SOWAHB: variants seen among roughly 807,000 people sequenced by gnomAD.
The protein encoded by SOWAHB is sosondowah ankyrin repeat domain family member B.
In SOWAHB, 17 loss-of-function variants were observed where a neutral mutation model predicts 18.3. The observed-to-expected ratio is 0.93, with a 90% confidence interval of 0.64 to 1.40. The LOEUF (loss-of-function observed/expected upper bound fraction) is 1.40, where lower values mean the gene tolerates loss of function less well. Among genes scored for constraint, SOWAHB ranks in the 40% most tolerant of loss-of-function variants. The pLI is 0.00. For missense variants in SOWAHB, 1,126 were observed against 1,033.7 expected (o/e 1.09, Z -1.22); for synonymous variants, 496 against 448.1 (o/e 1.11, Z -1.35).
In SOWAHB at chr4:76,896,644, A is replaced by G. The variant is rs764243643; in HGVS notation, c.1206T>C (p.Ser402=). The change falls in exon 1 of 1, where the codon AGT becomes AGC. Residue 402 remains serine (S), a synonymous_variant. Coordinates refer to ENST00000334306, the MANE Select transcript of SOWAHB (RefSeq NM_001029870.3). Reference sequence around the variant, plus strand: ...CACTGCTGCTCTCCTCACTGCCATCACTCTCCTGGTCCACAAAGTCATCCA... The same window carrying G: ...CACTGCTGCTCTCCTCACTGCCATCGCTCTCCTGGTCCACAAAGTCATCCA... ...QDLDDFVDQE[S]DGSEESSSGP... The G allele has an allele frequency of 6.2e-7, 1 of 1,613,540 alleles. No homozygotes were observed. Among genetic ancestry groups the G allele is most frequent in the South Asian group, 1.1e-5 (1 of 91,048 alleles).
At position 76,896,644 on chromosome 4, in the gene SOWAHB, ACT is replaced by A; in HGVS notation, c.1204_1205del (p.Ser402Ter). ...QDLDDFVDQE[S>X]DGSEESSSGP... is the part of the protein sequence containing the mutation. ...CACTGCTGCTCTCCTCACTGCCATC[ACT>A]CTCCTGGTCCACAAAGTCATCCAGA... On this transcript the variant is annotated frameshift_variant, in exon 1 of 1. Transcript: ENST00000334306. LOFTEE classifies it low-confidence loss of function (END_TRUNC). 6.2e-7 allele frequency: 1 copy of A among 1,613,540 alleles called. No homozygotes were observed. Among genetic ancestry groups the A allele is most frequent in the East Asian group, 2.2e-5 (1 of 44,836 alleles).
rs746175941 is a variant in SOWAHB, at chr4:76,897,692, C to T, written c.158G>A (p.Gly53Asp). The change falls in exon 1 of 1, where the codon GGC (glycine) becomes GAC (aspartate). Residue 53 changes from glycine (G) to aspartate (D), a missense_variant. By Grantham distance (94) the Gly-to-Asp change is moderately conservative. Coordinates refer to ENST00000334306, the MANE Select transcript of SOWAHB (RefSeq NM_001029870.3). This position sits in a 1 kb window ranked among gnomAD's most constrained non-coding sequence, Gnocchi z 6.4. Reference sequence around the variant, plus strand: ...CACTGCGGCGACCGAGTTGACGAAGCCCTTGAAGAGCTCGCGGCGGTGCTG... The same window carrying T: ...CACTGCGGCGACCGAGTTGACGAAGTCCTTGAAGAGCTCGCGGCGGTGCTG... The part of the protein sequence containing the change: ...QHQHRRELFK[G>D]FVNSVAAVRQ... The T allele has an allele frequency of 1.2e-6, 2 of 1,611,804 alleles. No homozygotes were observed. The highest frequency in any genetic ancestry group is 1.3e-5 in the African/African-American group (1 of 74,914).
Position 76,895,809 on chromosome 4 carries a change from C to G in SOWAHB, c.2041G>C (p.Gly681Arg), listed in dbSNP as rs765770327. 2 of 1,614,092 alleles carry G rather than the reference C, an allele frequency of 1.2e-6. No individual in the cohort carries two copies. The highest frequency in any genetic ancestry group is 2.7e-5 in the African/African-American group (2 of 74,934). The part of the protein sequence containing the change: ...YTPLHLAAIH[G>R]HQGVIKLLVQ... ...AGCAATTTGATGACCCCCTGGTGGCCGTGAATGGCTGCAAGGTGCAGCGGG... is the reference window on the plus strand; with the variant it reads ...AGCAATTTGATGACCCCCTGGTGGCGGTGAATGGCTGCAAGGTGCAGCGGG... The change falls in exon 1 of 1, where the codon GGC (glycine) becomes CGC (arginine). Residue 681 changes from glycine (G) to arginine (R), a missense_variant. Transcript: ENST00000334306.
Position 76,895,523 on chromosome 4 carries a change from G to A in SOWAHB, c.2327C>T (p.Ala776Val). ...ACTGTGGAATTTCTCATACTGGTTG[G>A]CCAGTTTCCACTTGTTGTGCTGACT... is the stretch of plus-strand genomic sequence containing the variant. ...LKSQHNKWKL[A>V]NQYEKFHSPR... Residue 776 changes from alanine (A) to valine (V), a missense_variant, in exon 1 of 1, where the codon GCC becomes GTC. Coordinates refer to ENST00000334306, the MANE Select transcript of SOWAHB (RefSeq NM_001029870.3). The A allele has an allele frequency of 6.2e-7, 1 of 1,613,948 alleles. No homozygotes were observed. Among genetic ancestry groups the A allele is most frequent in the Non-Finnish European group, 8.5e-7 (1 of 1,179,914 alleles).
In SOWAHB at chr4:76,898,038, G is replaced by A. The variant is rs576200688; in HGVS notation, c.-189C>T. ...CAGGAGGGCCGTGGGTCCCCTCCGG[G>A]TGGCCCCAAGGCTGAGTCCCCGCGG... On this transcript the variant is annotated 5_prime_UTR_variant, in exon 1 of 1. Coordinates refer to ENST00000334306, the MANE Select transcript of SOWAHB (RefSeq NM_001029870.3). 236 of 612,536 alleles carry A rather than the reference G, an allele frequency of 3.9e-4. No individual in the cohort carries two copies. In the African/African-American group the frequency reaches 4.2e-3, roughly 11 times the overall value. The allele number at this position is 612,536 out of a possible 1,614,324, so 37.9% of individuals were successfully genotyped here.
rs891002497 is a variant in SOWAHB, at chr4:76,896,845, G to C, written c.1005C>G (p.Phe335Leu). 1.2e-6 allele frequency: 2 copies of C among 1,613,744 alleles called. No individual in the cohort carries two copies. Among genetic ancestry groups the C allele is most frequent in the Non-Finnish European group, 1.7e-6 (2 of 1,180,030 alleles). Residue 335 changes from phenylalanine (F) to leucine (L), a missense_variant, in exon 1 of 1, where the codon TTC (phenylalanine) becomes TTG (leucine). Transcript: ENST00000334306. ...AGCCGGGTTCCAAGGGCAGCTGGAGGAAGTTGTCTGGCAGCACCGACCAGG... is the reference window on the plus strand; with the variant it reads ...AGCCGGGTTCCAAGGGCAGCTGGAGCAAGTTGTCTGGCAGCACCGACCAGG... ...IRAWSVLPDN[F>L]LQLPLEPGST...
rs373064009 is a variant in SOWAHB at position 76,896,430 on chromosome 4, C to T, written c.1420G>A (p.Ala474Thr). 1.4e-5 allele frequency: 22 copies of T among 1,610,086 alleles called. No individual in the cohort carries two copies. The highest frequency in any genetic ancestry group is 1.8e-5 in the Non-Finnish European group (21 of 1,178,424). The change falls in exon 1 of 1, where the codon GCT (alanine) becomes ACT (threonine). Residue 474 changes from alanine to threonine, a missense_variant. Ala to Thr is a moderately conservative substitution (Grantham distance 58). Coordinates refer to ENST00000334306, the MANE Select transcript of SOWAHB (RefSeq NM_001029870.3). ...GHISQQVPAG[A>T]NGLAGHPLKP... is the part of the protein sequence containing the mutation. ...AGGGGGTGGCCTGCAAGGCCATTAG[C>T]CCCTGCAGGGACCTGCTGAGAGATG... is the stretch of plus-strand genomic sequence containing the variant.
At position 76,895,857 on chromosome 4, in the gene SOWAHB, C is replaced by A; in HGVS notation, c.1993G>T (p.Val665Leu). 1.2e-6 allele frequency: 2 copies of A among 1,614,246 alleles called. No homozygotes were observed. The highest frequency in any genetic ancestry group is 1.7e-6 in the Non-Finnish European group (2 of 1,180,042). The change falls in exon 1 of 1, where the codon GTG (valine) becomes TTG (leucine). Residue 665 changes from valine (V) to leucine (L), a missense_variant. Physicochemically the swap from Val to Leu is conservative, Grantham distance 32. Transcript: ENST00000334306. ...GGGGTATATCCACAACTGGACCTCA[C>A]GTTTACATCAAGGACAATCCCTGCC... ...KKAGIVLDVN[V>L]RSSCGYTPLH...
In SOWAHB at chr4:76,896,133, C is replaced by A. The variant is rs564314965; in HGVS notation, c.1717G>T (p.Glu573Ter). 1 of 1,568,636 alleles carries A rather than the reference C, an allele frequency of 6.4e-7. No individual in the cohort carries two copies. Among genetic ancestry groups the A allele is most frequent in the Non-Finnish European group, 8.6e-7 (1 of 1,158,202 alleles). Residue 573 changes from glutamate (E) to a stop codon, truncating the protein, a stop_gained, in exon 1 of 1, where the codon GAG becomes TAG. Transcript: ENST00000334306. LOFTEE classifies it high-confidence loss of function. ...WRHSLWVPSG[E>*]GSAALAPHRT... is the part of the protein sequence containing the mutation. ...TGGGGGGCCAAGGCTGCAGACCCCT[C>A]CCCACTGGGGACCCACAGGCTGTGT...
Position 76,896,399 on chromosome 4 carries a change from G to T in SOWAHB, c.1451C>A (p.Pro484His). Residue 484 changes from proline (P) to histidine (H), a missense_variant, in exon 1 of 1, where the codon CCT becomes CAT. Transcript: ENST00000334306. Reference sequence around the variant, plus strand: ...TAACTTAGGAACTGGCCAAGGCAAAGGCTTCAGGGGGTGGCCTGCAAGGCC... The same window carrying T: ...TAACTTAGGAACTGGCCAAGGCAAATGCTTCAGGGGGTGGCCTGCAAGGCC... Reference protein sequence around the residue: ...ANGLAGHPLKPLPWPVPKLRR... With the variant: ...ANGLAGHPLKHLPWPVPKLRR... 1 of 1,599,618 alleles carries T rather than the reference G, an allele frequency of 6.3e-7. No homozygotes were observed.
rs1238118938 is a variant in SOWAHB at position 76,895,743 on chromosome 4, T to A, written c.2107A>T (p.Ser703Cys). ...LASRVNVRDS[S>C]GKKPWQYLTS... The stretch of plus-strand genomic sequence containing the variant: ...AGATACTGCCATGGCTTCTTCCCAC[T>A]GCTGTCCCTGACATTTACCCGAGAA... Residue 703 changes from serine to cysteine, a missense_variant, in exon 1 of 1, where the codon AGT becomes TGT. Physicochemically the swap from Ser to Cys is moderately radical, Grantham distance 112. Transcript: ENST00000334306. The A allele has an allele frequency of 6.2e-7, 1 of 1,614,264 alleles. No individual in the cohort carries two copies.
At position 76,896,479 on chromosome 4, in the gene SOWAHB, A is replaced by G; in HGVS notation, c.1371T>C (p.Gly457=). ...TGTGACCATCCCCTCTGTTTCTGAG[A>G]CCCTGAGGGCTCCGGCTGGGGCTGC... ...KEGSPSRSPQ[G]LRNRGDGHIS... is the part of the protein sequence containing the mutation. Residue 457 remains glycine, a synonymous_variant, in exon 1 of 1, where the codon GGT becomes GGC. Coordinates refer to ENST00000334306, the MANE Select transcript of SOWAHB (RefSeq NM_001029870.3). 2 of 1,612,762 alleles carry G rather than the reference A, an allele frequency of 1.2e-6. No homozygotes were observed. The highest frequency in any genetic ancestry group is 1.1e-5 in the South Asian group (1 of 91,040).
Position 76,896,752 on chromosome 4 carries a change from C to A in SOWAHB, c.1098G>T (p.Pro366=). 6.2e-7 allele frequency: 1 copy of A among 1,613,852 alleles called. No homozygotes were observed. Among genetic ancestry groups the A allele is most frequent in the Non-Finnish European group, 8.5e-7 (1 of 1,180,018 alleles). ...CCGCCCAGGATTCCCAGGACTCATC[C>A]GGAACAACAGGAAAGAGAGAGTGCG... The part of the protein sequence containing the change: ...LSSHSLFPVV[P]DESWESWAGN... Residue 366 remains proline (P), a synonymous_variant, in exon 1 of 1, where the codon CCG becomes CCT. Transcript: ENST00000334306.
Position 76,896,818 on chromosome 4 carries a change from G to C in SOWAHB, c.1032C>G (p.Ser344=). Residue 344 remains serine, a synonymous_variant, in exon 1 of 1, where the codon TCC becomes TCG. Coordinates refer to ENST00000334306, the MANE Select transcript of SOWAHB (RefSeq NM_001029870.3). ...CTGGCGGCTCTGAATTAGGCTCCGT[G>C]GAGCCGGGTTCCAAGGGCAGCTGGA... The part of the protein sequence containing the change: ...NFLQLPLEPG[S]TEPNSEPPDP... The C allele has an allele frequency of 6.2e-7, 1 of 1,613,890 alleles. No individual in the cohort carries two copies. Among genetic ancestry groups the C allele is most frequent in the South Asian group, 1.1e-5 (1 of 91,088 alleles).
rs1387064909 is a variant in SOWAHB at position 76,895,982 on chromosome 4, G to A, written c.1868C>T (p.Ala623Val). ...CCCAGTCAAAAAGTCTTTGTGCAAG[G>A]CCAGTTGAGGGTCCTCCCAGAACAA... ...WTLFWEDPQL[A>V]LHKDFLTGYT... The change falls in exon 1 of 1, where the codon GCC becomes GTC. Residue 623 changes from alanine to valine, a missense_variant. By Grantham distance (64) the Ala-to-Val change is moderately conservative (BLOSUM62 0). Coordinates refer to ENST00000334306, the MANE Select transcript of SOWAHB (RefSeq NM_001029870.3). 1 of 1,614,012 alleles carries A rather than the reference G, an allele frequency of 6.2e-7. No homozygotes were observed. The highest frequency in any genetic ancestry group is 1.1e-5 in the South Asian group (1 of 91,082).
chr4:76,898,017 A>T lies in SOWAHB; in HGVS notation c.-168T>A. 1.4e-6 allele frequency: 1 copy of T among 706,484 alleles called. No homozygotes were observed. The highest frequency in any genetic ancestry group is 2.3e-6 in the Non-Finnish European group (1 of 441,688). 43.8% of individuals were successfully genotyped at this position (706,484 alleles called of 1,614,324 possible). On this transcript the variant is annotated 5_prime_UTR_variant, in exon 1 of 1. Transcript: ENST00000334306. ...GCCCGCAGCCCGTGAGCGCGCCAGGAGGGCCGTGGGTCCCCTCCGGGTGGC... is the reference window on the plus strand; with the variant it reads ...GCCCGCAGCCCGTGAGCGCGCCAGGTGGGCCGTGGGTCCCCTCCGGGTGGC...
Position 76,897,896 on chromosome 4 carries a change from G to A in SOWAHB, c.-47C>T, listed in dbSNP as rs556043949. On this transcript the variant is annotated 5_prime_UTR_variant, in exon 1 of 1. Coordinates refer to ENST00000334306, the MANE Select transcript of SOWAHB (RefSeq NM_001029870.3). The surrounding 1 kb of genome is among the most constrained non-coding windows in gnomAD (Gnocchi z 6.4). ...AGAGGTGTCTGAGTCTCGCCCTCCC[G>A]GGGCTCTCCCCAGCCAGAGGAAACC... The A allele has an allele frequency of 1.5e-5, 23 of 1,531,714 alleles. No individual in the cohort carries two copies. The African/African-American group carries it at 3.1e-4, about 21-fold the overall frequency. 94.9% of individuals were successfully genotyped at this position (1,531,714 alleles called of 1,614,324 possible).
At position 76,897,302 on chromosome 4, in the gene SOWAHB, G is replaced by A. The variant is rs1049173174; in HGVS notation, c.548C>T (p.Ala183Val). Residue 183 changes from alanine (A) to valine (V), a missense_variant, in exon 1 of 1, where the codon GCG (alanine) becomes GTG (valine). Transcript: ENST00000334306. This position sits in a 1 kb window ranked among gnomAD's most constrained non-coding sequence, Gnocchi z 6.4. ...VPAAAAAGAQ[A>V]RASCAAAKTQ... ...CTTCGCCGCCGCGCAGCTCGCTCTC[G>A]CCTGGGCCCCTGCCGCTGCAGCTGC... The A allele has an allele frequency of 1.3e-6, 2 of 1,539,830 alleles. No individual in the cohort carries two copies. The highest frequency in any genetic ancestry group is 3.9e-5 in the Admixed American group (2 of 51,576).
chr4:76,895,957 C>T lies in SOWAHB; in HGVS notation c.1893G>A (p.Gly631=). ...TGGCTATCCAGTGCAACGCAGTGTACCCAGTCAAAAAGTCTTTGTGCAAGG... is the reference window on the plus strand; with the variant it reads ...TGGCTATCCAGTGCAACGCAGTGTATCCAGTCAAAAAGTCTTTGTGCAAGG... The part of the protein sequence containing the change: ...QLALHKDFLT[G]YTALHWIAKH... Residue 631 remains glycine (G), a synonymous_variant, in exon 1 of 1, where the codon GGG becomes GGA. Transcript: ENST00000334306. The T allele has an allele frequency of 6.2e-7, 1 of 1,614,116 alleles. No individual in the cohort carries two copies.
Sources: gnomAD v4.1 joint callset for allele counts on GRCh38, gnomAD v4.1.1 for gene constraint, Gnocchi (gnomAD v3.1) non-coding constraint, MANE v1.5 for transcripts, NCBI Gene and HGNC (gene_info 2026-07-23, HGNC 2026-07-21) for gene names.